The following NCF2 variants were observed in gnomAD, a reference collection of about 807,000 sequenced individuals.
NCF2 encodes the protein neutrophil cytosolic factor 2, also known as neutrophil cytosol factor 2.
A neutral mutation model predicts 70.9 loss-of-function variants in NCF2; 45 were observed. That is an observed-to-expected ratio of 0.63 (90% CI 0.50 to 0.81). The LOEUF (loss-of-function observed/expected upper bound fraction) is 0.81, where lower values mean the gene tolerates loss of function less well. NCF2 is among the 40% of genes least tolerant of loss of function. The probability of loss-of-function intolerance (pLI) is 0.00; values close to 1 mark genes in which losing one functional copy is unlikely to be tolerated. For synonymous variants in NCF2, 203 were observed against 233.6 expected (o/e 0.87, Z 1.19); for missense variants, 522 against 631.6 (o/e 0.83, Z 1.86).
At chr1:183,564,274 A>AGTGTAG (rs1672210153) in intron 10 of NCF2, among the ~76,000 whole-genome samples, 1 of 152,214 alleles carries the variant, frequency 6.6e-6, no homozygotes, top group Admixed American at 6.5e-5. Flanking sequence ...TAATTACCAA[A>AGTGTAG]GGACCAGCAT....
intron 2 of NCF2, among the ~76,000 whole-genome samples, chr1:183,579,669 G>T (rs751980393): frequency 1.4e-5 from 2 of 144,016 alleles, no homozygotes; most frequent in African/African-American, 5.2e-5. Context: ...AACCCAGGAG[G>T]CAGAGCTTGC....
intron 1 of NCF2, among the ~76,000 whole-genome samples, chr1:183,588,288 G>A (rs1484033372): frequency 6.6e-6 from 1 of 152,074 alleles, no homozygotes; most frequent in East Asian, 1.9e-4. Context: ...AAAAAAGATA[G>A]GGAAATAGGA....
At position 183,570,789 on chromosome 1, in the gene NCF2, C is replaced by G. The variant is rs929461950; in HGVS notation, c.660G>C (p.Leu220=). ...GTCAGGACTGCCTTACCTGTGGTTG[C>G]AGAGGGGCAAACCCAGAGAAACTGT... is the stretch of plus-strand genomic sequence containing the variant. ...DQDSFSGFAP[L]QPQAAEPPPR... is the part of the protein sequence containing the mutation. Residue 220 remains leucine (L), a synonymous_variant, in exon 6 of 15, where the codon CTG becomes CTC. Transcript: ENST00000367535. 6.2e-7 allele frequency: 1 copy of G among 1,614,164 alleles called. No individual in the cohort carries two copies.
rs758956466 is a variant in NCF2 at position 183,577,617 on chromosome 1, G to A, written c.348C>T (p.Phe116=). The change falls in exon 3 of 15, where the codon TTC becomes TTT. Residue 116 remains phenylalanine, a synonymous_variant. Coordinates refer to ENST00000367535, the MANE Select transcript of NCF2 (RefSeq NM_000433.4). ...TCCTTACCTCACAGGCAAACAGCTT[G>A]AACTGGAGCCCCAGGATCTTATAGT... ...LIDYKILGLQ[F]KLFACEVLYN... 8.7e-6 allele frequency: 14 copies of A among 1,613,212 alleles called. No individual in the cohort carries two copies. The highest frequency in any genetic ancestry group is 2.2e-5 in the South Asian group (2 of 91,068).
chr1:183,568,244 C>T (rs1672398637), intron 7 of NCF2, among the ~76,000 whole-genome samples: 1 of 151,946 alleles, frequency 6.6e-6, no homozygotes, highest in African/African-American at 2.4e-5. Context: ...TTCACTGCAA[C>T]CTCCACCTCC....
chr1:183,585,894 C>T (rs573076148), intron 2 of NCF2, among the ~76,000 whole-genome samples: 19 of 152,294 alleles, frequency 1.2e-4, no homozygotes, highest in Admixed American at 4.6e-4. Flanking sequence ...AAAATGCAGA[C>T]AGGGTGATAG....
At chr1:183,580,801 A>AC (rs1673024131) in intron 2 of NCF2, among the ~76,000 whole-genome samples, 1 of 151,944 alleles carries the variant, frequency 6.6e-6, no homozygotes, top group African/African-American at 2.4e-5. Context: ...ACATGGTGAA[A>AC]CCCCGTCTCT....
intron 3 of NCF2, among the ~76,000 whole-genome samples, chr1:183,574,889 A>C (rs1672728621): frequency 6.6e-6 from 1 of 152,258 alleles, no homozygotes; most frequent in Admixed American, 6.5e-5. Flanking sequence ...AGGGACAAGA[A>C]TTATTGTATA....
upstream of NCF2, among the ~76,000 whole-genome samples, chr1:183,591,754 G>A (rs1450023739): frequency 1.3e-5 from 2 of 152,154 alleles, no homozygotes; most frequent in Non-Finnish European, 2.9e-5. Context: ...CCCTCAAAGT[G>A]CTGGGATTAC....
At chr1:183,581,737 C>T (rs1380558918) in intron 2 of NCF2, among the ~76,000 whole-genome samples, 1 of 151,702 alleles carries the variant, frequency 6.6e-6, no homozygotes, top group East Asian at 1.9e-4. Context: ...GGCGCGATCT[C>T]GGCTCACTGG....
intron 3 of NCF2, among the ~76,000 whole-genome samples, chr1:183,575,959 C>T (rs1271523240): frequency 6.6e-6 from 1 of 152,224 alleles, no homozygotes; most frequent in East Asian, 1.9e-4. Context: ...AATTCGTTGG[C>T]TTCTCCAGCC....
At chr1:183,565,582 G>A in intron 10 of NCF2, 122 bp downstream of exon 10, 1 of 977,552 alleles carries the variant, frequency 1.0e-6, no homozygotes, top group Non-Finnish European at 1.6e-6. Flanking sequence ...GTGGTCATTA[G>A]CTGAGTGACA....
chr1:183,565,907 G>C, intron 9 of NCF2, 128 bp from the exon 10 acceptor site: 1 of 887,472 alleles, frequency 1.1e-6, no homozygotes, highest in Non-Finnish European at 1.8e-6. Flanking sequence ...CTAAAAGTTG[G>C]AATGGTAGTG....
chr1:183,559,595 A>G (rs1432727664), intron 14 of NCF2, among the ~76,000 whole-genome samples: 2 of 152,200 alleles, frequency 1.3e-5, no homozygotes, highest in African/African-American at 4.8e-5. Flanking sequence ...GCGGTGGCTC[A>G]TGCCTGTAAT....
the NCF2 span, among the ~76,000 whole-genome samples, chr1:183,596,633 T>C: frequency 6.6e-6 from 1 of 151,124 alleles, no homozygotes; most frequent in African/African-American, 2.4e-5. Context: ...AAAATAGTAC[T>C]CAGGAGGCTG....
intron 4 of NCF2, among the ~76,000 whole-genome samples, chr1:183,573,903 A>C (rs1038039785): frequency 1.3e-5 from 2 of 152,238 alleles, no homozygotes; most frequent in African/African-American, 2.4e-5. Flanking sequence ...CTGCCTGGCC[A>C]ACATGGCAAA....
chr1:183,593,899 A>C (rs576587483), upstream of NCF2, among the ~76,000 whole-genome samples: 1 of 152,322 alleles, frequency 6.6e-6, no homozygotes, highest in Admixed American at 6.5e-5. Context: ...AATTTCTGGG[A>C]AAGATTTCTT....
At chr1:183,569,307 C>A (rs909245843) in intron 6 of NCF2, 122 bp from the exon 7 acceptor site, 1 of 926,104 alleles carries the variant, frequency 1.1e-6, no homozygotes, top group South Asian at 1.3e-5. Flanking sequence ...TAACGCATTT[C>A]TGACTGATGA....
At position 183,569,186 on chromosome 1, in the gene NCF2, CT is replaced by C; in HGVS notation, c.670-2del. On this transcript the variant is annotated splice_acceptor_variant, in intron 6 of 14. Coordinates refer to ENST00000367535, the MANE Select transcript of NCF2 (RefSeq NM_000433.4). LOFTEE classifies it high-confidence loss of function. ...TCGGTCTGGGTGGAGGCTCAGCTGC[CT>C]ATTGAACATTCAGGAGAAGTGAAAA... The C allele has an allele frequency of 6.2e-7, 1 of 1,614,040 alleles. No homozygotes were observed.
Sources: allele counts gnomAD v4.1 joint callset (sites outside exome capture counted in the v4.1 genomes callset), GRCh38; gene constraint gnomAD v4.1.1; transcripts MANE v1.5; gene names NCBI Gene and HGNC (gene_info 2026-07-23, HGNC 2026-07-21).